NPRL3: variants seen among roughly 807,000 people sequenced by gnomAD.
NPRL3 encodes NPR3 like, GATOR1 complex subunit, also known as GATOR1 complex protein NPRL3.
NPRL3 carries 23 observed loss-of-function variants against 57.2 expected under a neutral mutation model. The ratio of observed to expected loss-of-function variants is 0.40; its 90% CI spans 0.29 to 0.57. NPRL3 has a LOEUF of 0.57. NPRL3 is among the 20% of genes least tolerant of loss of function. The probability of loss-of-function intolerance (pLI) is 0.42; values close to 1 mark genes in which losing one functional copy is unlikely to be tolerated. For synonymous variants in NPRL3, 333 were observed against 321.1 expected, an observed-to-expected ratio of 1.04 and a Z score of -0.39; for missense variants, 691 against 767.1, an observed-to-expected ratio of 0.90 and a Z score of 1.17.
chr16:109,512 A>C (rs1276958391), intron 7 of NPRL3, among the ~76,000 whole-genome samples: 5 of 152,214 alleles, frequency 3.3e-5, no homozygotes, highest in Non-Finnish European at 7.3e-5. Flanking sequence ...CGTCATGCTC[A>C]GTAAAATGGC....
At chr16:106,239 C>T (rs1363707467) in intron 7 of NPRL3, among the ~76,000 whole-genome samples, 1 of 152,126 alleles carries the variant, frequency 6.6e-6, no homozygotes, top group Non-Finnish European at 1.5e-5. Context: ...GCCCGGGAGA[C>T]GGAGGTTGCA....
intron 8 of NPRL3, among the ~76,000 whole-genome samples, chr16:100,137 G>C (rs1231122016): frequency 6.6e-6 from 1 of 152,046 alleles, no homozygotes; most frequent in Non-Finnish European, 1.5e-5. Flanking sequence ...CCCTGCCCAA[G>C]CCTAAGGTGG....
rs754194124 is a variant in NPRL3 at position 88,770 on chromosome 16, G to A, written c.1472C>T (p.Ser491Leu). Residue 491 changes from serine to leucine, a missense_variant, in exon 13 of 14, where the codon TCG becomes TTG. Transcript: ENST00000611875. Reference protein sequence around the residue: ...RMTENLLASLSEHERAAILSV... With the variant: ...RMTENLLASLLEHERAAILSV... ...GAGGATGGCTGCGCGTTCATGCTCC[G>A]ACAGGCTGGCCAGCAGGTTCTCCGT... 8.7e-6 allele frequency: 14 copies of A among 1,613,334 alleles called. No individual in the cohort carries two copies. The highest frequency in any genetic ancestry group is 3.3e-5 in the Admixed American group (2 of 59,978).
At chr16:134,317 C>T (rs899548161) in intron 2 of NPRL3, among the ~76,000 whole-genome samples, 3 of 152,070 alleles carry the variant, frequency 2.0e-5, no homozygotes, top group African/African-American at 4.8e-5. Flanking sequence ...AATGTACATA[C>T]ACCAAGAGCC....
intron 11 of NPRL3, 175 bp from the exon 12 acceptor site, chr16:90,077 C>T (rs1898699895): frequency 1.2e-5 from 7 of 594,328 alleles, no homozygotes; most frequent in Admixed American, 3.7e-5. Context: ...CTGCAAGGCC[C>T]GCTCACCCTC....
In NPRL3 at chr16:110,530, A is replaced by G. The variant is rs1899757005; in HGVS notation, c.624T>C (p.Tyr208=). ...CKLARDLKEA[Y]DSLCTSGVVR... ...AGCACACCCACCTGTCTTACCTGTC[A>G]TAAGCTTCCTTGAGGTCCCTGGCCA... Residue 208 remains tyrosine (Y), a synonymous_variant, in exon 7 of 14, where the codon TAT becomes TAC. Transcript: ENST00000611875. 3 of 1,611,192 alleles carry G rather than the reference A, an allele frequency of 1.9e-6. No homozygotes were observed. The highest frequency in any genetic ancestry group is 1.3e-5 in the African/African-American group (1 of 75,018).
intron 9 of NPRL3, among the ~76,000 whole-genome samples, chr16:96,974 CT>C (rs1899037302): frequency 1.3e-5 from 2 of 152,010 alleles, no homozygotes; most frequent in South Asian, 2.1e-4. Context: ...AAGCAGAGAC[CT>C]GTTTCACAGG....
At chr16:107,835 A>C (rs1268586013) in intron 7 of NPRL3, among the ~76,000 whole-genome samples, 1 of 152,192 alleles carries the variant, frequency 6.6e-6, no homozygotes, top group African/African-American at 2.4e-5. Context: ...CTTGGTTTTT[A>C]TTTTAATTCC....
chr16:116,094 C>G (rs1035431538), intron 5 of NPRL3, among the ~76,000 whole-genome samples: 7 of 152,170 alleles, frequency 4.6e-5, no homozygotes, highest in Non-Finnish European at 1.0e-4. Context: ...CTGTCAAACA[C>G]TACTCCCCGA....
rs776228234 is a variant in NPRL3 at position 85,551 on chromosome 16, C to T, written c.*1154G>A. ...AGTGGCCCCTCCAAGCTGTGCCAGGCCCTGGCCATCAACAAGAGCTTTGAC... is the reference window on the plus strand; with the variant it reads ...AGTGGCCCCTCCAAGCTGTGCCAGGTCCTGGCCATCAACAAGAGCTTTGAC... On this transcript the variant is annotated 3_prime_UTR_variant, in exon 14 of 14. Coordinates refer to ENST00000611875, the MANE Select transcript of NPRL3 (RefSeq NM_001077350.3). The T allele has an allele frequency of 4.3e-6, 7 of 1,613,406 alleles. No homozygotes were observed. The South Asian group carries it at 6.6e-5, about 15-fold the overall frequency.
chr16:89,681 T>C lies in NPRL3; in HGVS notation c.1351+32A>G, dbSNP rs765716073. On this transcript the variant is annotated intron_variant, in intron 12 of 13. Transcript: ENST00000611875. ...GGATGCCACCCCCAAGCGTCTCCCC[T>C]GACTACCACAGCGGTGCCCTGGGGG... 6.0e-6 allele frequency: 9 copies of C among 1,501,818 alleles called. 1 individual carries two copies. The South Asian group carries it at 1.2e-4, about 20-fold the overall frequency. The allele number at this position is 1,501,818 out of a possible 1,614,324, so 93.0% of individuals were successfully genotyped here.
intron 2 of NPRL3, among the ~76,000 whole-genome samples, chr16:137,317 A>G (rs943012495): frequency 1.3e-5 from 2 of 152,244 alleles, no homozygotes; most frequent in Non-Finnish European, 2.9e-5. Context: ...AGCAGCCTGC[A>G]GCCAAGGGTG....
intron 9 of NPRL3, among the ~76,000 whole-genome samples, chr16:97,601 C>T (rs1042572905): frequency 1.3e-5 from 2 of 152,032 alleles, no homozygotes; most frequent in African/African-American, 2.4e-5. Context: ...TCAGAAAGGG[C>T]AGCCCTCTGC....
intron 2 of NPRL3, among the ~76,000 whole-genome samples, chr16:134,306 A>C (rs1900950963): frequency 6.6e-6 from 1 of 152,196 alleles, no homozygotes; most frequent in African/African-American, 2.4e-5. Context: ...AAAAAAATTT[A>C]AATGTACATA....
At chr16:107,992 G>T (rs1463385194) in intron 7 of NPRL3, among the ~76,000 whole-genome samples, 1 of 152,174 alleles carries the variant, frequency 6.6e-6, no homozygotes, top group Non-Finnish European at 1.5e-5. Flanking sequence ...ACATTAGTGT[G>T]ATAACAATGA....
intron 3 of NPRL3, among the ~76,000 whole-genome samples, chr16:120,283 G>A (rs986581207): frequency 6.6e-6 from 1 of 152,170 alleles, no homozygotes; most frequent in Non-Finnish European, 1.5e-5. Context: ...CTCTGCCCCT[G>A]GGCAGGGAGA....
intron 4 of NPRL3, among the ~76,000 whole-genome samples, chr16:117,656 G>A (rs1900102825): frequency 6.6e-6 from 1 of 152,192 alleles, no homozygotes; most frequent in Non-Finnish European, 1.5e-5. Context: ...TAAATGGGTG[G>A]AGGACCCAGA....
chr16:100,137 G>A (rs1231122016), intron 8 of NPRL3, among the ~76,000 whole-genome samples: 1 of 152,046 alleles, frequency 6.6e-6, no homozygotes, highest in East Asian at 1.9e-4. Context: ...CCCTGCCCAA[G>A]CCTAAGGTGG....
chr16:109,782 TG>T (rs1225635834), intron 7 of NPRL3, among the ~76,000 whole-genome samples: 6 of 152,182 alleles, frequency 3.9e-5, no homozygotes, highest in Non-Finnish European at 8.8e-5. Context: ...AGGTGGGGAA[TG>T]GGATCTCTGT....
Sources: allele counts gnomAD v4.1 joint callset (sites outside exome capture counted in the v4.1 genomes callset), GRCh38; gene constraint gnomAD v4.1.1; transcripts MANE v1.5; gene names NCBI Gene and HGNC (gene_info 2026-07-23, HGNC 2026-07-21).